Variants in ZNF610 observed in about 807,000 individuals in gnomAD.
The protein encoded by ZNF610 is zinc finger protein 610.
In ZNF610, 14 loss-of-function variants were observed where a neutral mutation model predicts 14.1. The ratio of observed to expected loss-of-function variants is 0.99; its 90% CI spans 0.65 to 1.55. The LOEUF (loss-of-function observed/expected upper bound fraction) is 1.55. ZNF610 is among the 40% of genes most tolerant of loss of function. The pLI is 0.00. For synonymous variants in ZNF610, 185 were observed against 187.6 expected, an observed-to-expected ratio of 0.99 and a Z score of 0.11; for missense variants, 530 against 558.0, an observed-to-expected ratio of 0.95 and a Z score of 0.51.
intron 1 of ZNF610, among the ~76,000 whole-genome samples, chr19:52,346,246 C>T (rs890591719): frequency 2.6e-5 from 4 of 151,130 alleles, no homozygotes; most frequent in African/African-American, 4.9e-5. Context: ...CTCACTGCAA[C>T]GTCTGCCTTC....
At chr19:52,339,874 G>C (rs1021392610) in intron 1 of ZNF610, among the ~76,000 whole-genome samples, 2 of 152,156 alleles carry the variant, frequency 1.3e-5, no homozygotes, top group African/African-American at 4.8e-5. Flanking sequence ...GGTCAGGCTG[G>C]TCTTGAACTC....
chr19:52,343,554 G>A (rs1984788096), intron 1 of ZNF610, among the ~76,000 whole-genome samples: 1 of 98,978 alleles, frequency 1.0e-5, no homozygotes, highest in African/African-American at 3.3e-5. Flanking sequence ...GTGACAGAGT[G>A]AGACTGTCTC....
intron 2 of ZNF610, among the ~76,000 whole-genome samples, chr19:52,348,913 A>G (rs887243188): frequency 7.9e-5 from 12 of 152,148 alleles, no homozygotes; most frequent in African/African-American, 2.9e-4. Context: ...AGTCCAGCCT[A>G]GCTCCCTACT....
Position 52,366,728 on chromosome 19 carries a change from T to C in ZNF610, c.1350T>C (p.His450=). The change falls in exon 6 of 6, where the codon CAT becomes CAC. Residue 450 remains histidine (H), a synonymous_variant. Transcript: ENST00000403906. The part of the protein sequence containing the change: ...NPHLSRHRKI[H]AGENSLRTLQ... ...ACCTTTCACGACATCGGAAAATTCA[T>C]GCTGGAGAGAATTCACTGCGTACCT... is the stretch of plus-strand genomic sequence containing the variant. 1.2e-6 allele frequency: 2 copies of C among 1,614,112 alleles called. No homozygotes were observed. Among genetic ancestry groups the C allele is most frequent in the South Asian group, 1.1e-5 (1 of 91,084 alleles).
chr19:52,345,926 G>T (rs183804070), intron 1 of ZNF610, among the ~76,000 whole-genome samples: 3 of 150,880 alleles, frequency 2.0e-5, no homozygotes, highest in Non-Finnish European at 4.4e-5. Flanking sequence ...GGATGGTCTC[G>T]ATCTCCTGAC....
chr19:52,352,712 G>C (rs535921123), intron 3 of ZNF610, among the ~76,000 whole-genome samples: 1 of 151,746 alleles, frequency 6.6e-6, no homozygotes, highest in East Asian at 1.9e-4. Flanking sequence ...CAGGCATCCT[G>C]TGCAGTGGTA....
chr19:52,354,580 AT>A (rs201439857), intron 5 of ZNF610, among the ~76,000 whole-genome samples: 3,337 of 122,620 alleles, frequency 0.027, 52 homozygotes, highest in African/African-American at 0.088. Context: ...AAGCCATACT[AT>A]TTTTTTTTTT....
At chr19:52,357,169 A>G (rs1407869085) in intron 5 of ZNF610, among the ~76,000 whole-genome samples, 1 of 152,194 alleles carries the variant, frequency 6.6e-6, no homozygotes, top group Non-Finnish European at 1.5e-5. Flanking sequence ...AGTGGTTCAC[A>G]GATCTCATGG....
At chr19:52,337,257 T>A (rs321917) in intron 1 of ZNF610, among the ~76,000 whole-genome samples, 4,783 of 148,124 alleles carry the variant, frequency 0.032, 218 homozygotes, top group African/African-American at 0.11. Context: ...AGGGGGCAGC[T>A]GATGACAAGG....
intron 1 of ZNF610, 131 bp from the exon 2 acceptor site, chr19:52,347,576 G>A (rs1254849371): frequency 6.6e-6 from 1 of 152,204 alleles, no homozygotes; most frequent in Non-Finnish European, 1.5e-5. Context: ...GAATGCAGTG[G>A]TGCGATTATG....
chr19:52,357,837 T>C (rs1391132632), intron 5 of ZNF610, among the ~76,000 whole-genome samples: 3 of 151,674 alleles, frequency 2.0e-5, no homozygotes, highest in African/African-American at 7.3e-5. Flanking sequence ...TAGAGAAGGA[T>C]AAATTAACAG....
Position 52,353,755 on chromosome 19 carries a change from G to A in ZNF610, c.137G>A (p.Arg46Lys), listed in dbSNP as rs367886602. The A allele has an allele frequency of 6.8e-6, 11 of 1,613,768 alleles. No individual in the cohort carries two copies. Among genetic ancestry groups the A allele is most frequent in the Middle Eastern group, 1.6e-4 (1 of 6,080 alleles). The change falls in exon 4 of 6, where the codon AGG (arginine) becomes AAG (lysine). Residue 46 changes from arginine (R) to lysine (K), a missense_variant. Arg to Lys is a conservative substitution (Grantham distance 26). Transcript: ENST00000403906. ...EEWKSLDPGQ[R>K]ALYRDVMLEN... ...TGGAAATCCCTGGACCCTGGACAGAGGGCTTTATACAGGGACGTGATGTTG... is the reference window on the plus strand; with the variant it reads ...TGGAAATCCCTGGACCCTGGACAGAAGGCTTTATACAGGGACGTGATGTTG...
At position 52,354,369 on chromosome 19, in the gene ZNF610, C is replaced by T. The variant is rs764775571; in HGVS notation, c.309C>T (p.Ser103=). The change falls in exon 5 of 6, where the codon AGC becomes AGT. Residue 103 remains serine, a synonymous_variant. Transcript: ENST00000403906. ...CAGATGGAAGGGAATGTGTCAGAAG[C>T]GTGAACACAGGTAAGAGCTCTGATG... ...KNTDGRECVR[S]VNTGRSCVLG... 6 of 1,613,936 alleles carry T rather than the reference C, an allele frequency of 3.7e-6. No individual in the cohort carries two copies. Among genetic ancestry groups the T allele is most frequent in the South Asian group, 1.1e-5 (1 of 91,064 alleles).
intron 3 of ZNF610, among the ~76,000 whole-genome samples, chr19:52,351,089 T>C (rs1288635224): frequency 1.3e-5 from 2 of 152,136 alleles, no homozygotes; most frequent in African/African-American, 2.4e-5. Context: ...TTGTGAAAAT[T>C]TGCATGTTTT....
At chr19:52,360,288 T>C (rs1181264754) in intron 5 of ZNF610, among the ~76,000 whole-genome samples, 1 of 152,190 alleles carries the variant, frequency 6.6e-6, no homozygotes, top group African/African-American at 2.4e-5. Flanking sequence ...CCCTGGGGCC[T>C]ACCGTACCCA....
At position 52,336,331 on chromosome 19, in the gene ZNF610, T is replaced by C; in HGVS notation, c.-433T>C. The C allele has an allele frequency of 3.5e-6, 1 of 286,006 alleles. No individual in the cohort carries two copies. Among genetic ancestry groups the C allele is most frequent in the Non-Finnish European group, 6.6e-6 (1 of 151,864 alleles). The allele number at this position is 286,006 out of a possible 1,614,324, so 17.7% of individuals were successfully genotyped here. A position where few individuals can be genotyped will look rare whatever the true frequency, so the allele number is the denominator to read the frequency against. ...TTAGATTCAATCTGGGCTTCCCAGC[T>C]CCCCCGCGCTTCTGTACCCGGGATC... On this transcript the variant is annotated 5_prime_UTR_variant, in exon 1 of 6. Transcript: ENST00000403906.
chr19:52,366,240 C>A lies in ZNF610; in HGVS notation c.862C>A (p.His288Asn). 6.2e-7 allele frequency: 1 copy of A among 1,613,958 alleles called. No individual in the cohort carries two copies. Among genetic ancestry groups the A allele is most frequent in the South Asian group, 1.1e-5 (1 of 91,044 alleles). The change falls in exon 6 of 6, where the codon CAC (histidine) becomes AAC (asparagine). Residue 288 changes from histidine to asparagine, a missense_variant. Physicochemically the swap from His to Asn is moderately conservative, Grantham distance 68. Transcript: ENST00000403906. ...AAGAATTCATACTGGAGAGAAGCCT[C>A]ACAAATGTAACGAATGTGGCAAAGC... ...HQRIHTGEKP[H>N]KCNECGKAFR...
intron 3 of ZNF610, among the ~76,000 whole-genome samples, chr19:52,351,809 CA>C (rs2122224987): frequency 6.6e-6 from 1 of 152,282 alleles, no homozygotes; most frequent in Non-Finnish European, 1.5e-5. Context: ...TGCTTCTGTT[CA>C]ACCAAGACAG....
intron 5 of ZNF610, among the ~76,000 whole-genome samples, chr19:52,359,128 CAT>C (rs1301735458): frequency 6.6e-6 from 1 of 152,184 alleles, no homozygotes; most frequent in African/African-American, 2.4e-5. Flanking sequence ...TATTGAGGCA[CAT>C]GTGTGATTTC....
Sources: allele counts gnomAD v4.1 joint callset (sites outside exome capture counted in the v4.1 genomes callset), GRCh38; gene constraint gnomAD v4.1.1; transcripts MANE v1.5; gene names NCBI Gene and HGNC (gene_info 2026-07-23, HGNC 2026-07-21).